Variants in EXOC5 observed in about 807,000 individuals in gnomAD.
EXOC5 encodes SEC10-like 1.
A neutral mutation model predicts 90.8 loss-of-function variants in EXOC5; 17 were observed. The observed-to-expected ratio is 0.19, with a 90% CI of 0.13 to 0.28. The LOEUF (loss-of-function observed/expected upper bound fraction) is 0.28, where lower values mean the gene tolerates loss of function less well. Among genes scored for constraint, EXOC5 ranks in the 10% least tolerant of loss-of-function variants. The probability of loss-of-function intolerance (pLI) is 1.00; values close to 1 mark genes in which losing one functional copy is unlikely to be tolerated. For missense variants in EXOC5, 569 were observed against 830.6 expected (o/e 0.69, Z 3.87); for synonymous variants, 260 against 270.0 (o/e 0.96, Z 0.36).
intron 14 of EXOC5, among the ~76,000 whole-genome samples, chr14:57,218,698 C>T (rs1346710177): frequency 1.3e-5 from 2 of 152,040 alleles, no homozygotes; most frequent in Admixed American, 6.6e-5. Flanking sequence ...ATCTTTGAGA[C>T]TGTTTCTGGA....
At chr14:57,250,525 G>A (rs1338663851) in intron 1 of EXOC5, among the ~76,000 whole-genome samples, 3 of 152,176 alleles carry the variant, frequency 2.0e-5, no homozygotes, top group East Asian at 1.9e-4. Flanking sequence ...TTGGATATAC[G>A]GTGCTAGTTG....
Position 57,237,345 on chromosome 14 carries a change from T to C in EXOC5, c.552A>G (p.Lys184=). Residue 184 remains lysine, a synonymous_variant, in exon 6 of 18, where the codon AAA becomes AAG. Coordinates refer to ENST00000621441, the MANE Select transcript of EXOC5 (RefSeq NM_006544.4). ...PFDRFSEVKS[K]IASKYHDLEC... ...AATAAATACATCACTTACTTGCAAT[T>C]TTGGATTTAACTTCTGAAAATCTGA... The C allele has an allele frequency of 6.6e-7, 1 of 1,507,804 alleles. No individual in the cohort carries two copies. Among genetic ancestry groups the C allele is most frequent in the African/African-American group, 1.4e-5 (1 of 72,262 alleles). 93.4% of individuals were successfully genotyped at this position (1,507,804 alleles called of 1,614,324 possible). A position where few individuals can be genotyped will look rare whatever the true frequency, so the allele number is the denominator to read the frequency against.
intron 6 of EXOC5, among the ~76,000 whole-genome samples, chr14:57,236,143 A>G (rs569474124): frequency 2.8e-4 from 43 of 152,226 alleles, no homozygotes; most frequent in Admixed American, 2.7e-3. Flanking sequence ...ACACACATGA[A>G]AAATCCTACA....
intron 10 of EXOC5, chr14:57,231,956 T>C (rs10483681): frequency 0.28 from 103,274 of 367,824 alleles, 15,874 homozygotes; most frequent in African/African-American, 0.46. Flanking sequence ...GAAAAGAACT[T>C]GTGAGGCAAT....
intron 1 of EXOC5, 155 bp downstream of exon 1, chr14:57,268,467 C>A: frequency 6.7e-7 from 1 of 1,497,990 alleles, no homozygotes; most frequent in Non-Finnish European, 8.9e-7. Context: ...GCTCCGCCCG[C>A]GCTGACACGG....
At position 57,231,604 on chromosome 14, in the gene EXOC5, A is replaced by T; in HGVS notation, c.1050T>A (p.Ile350=). The T allele has an allele frequency of 6.2e-7, 1 of 1,612,972 alleles. No individual in the cohort carries two copies. The highest frequency in any genetic ancestry group is 8.5e-7 in the Non-Finnish European group (1 of 1,179,242). ...SIFISYLENY[I]EVETGYLKSR... Reference sequence around the variant, plus strand: ...TTTTCAAATATCCAGTCTCCACCTCAATATAGTTCTCCAAATAGGAAATGA... The same window carrying T: ...TTTTCAAATATCCAGTCTCCACCTCTATATAGTTCTCCAAATAGGAAATGA... Residue 350 remains isoleucine, a synonymous_variant, in exon 11 of 18, where the codon ATT becomes ATA. Coordinates refer to ENST00000621441, the MANE Select transcript of EXOC5 (RefSeq NM_006544.4).
In EXOC5 at chr14:57,203,491, A is replaced by G. The variant is rs944399500; in HGVS notation, c.*5118T>C. 1 of 152,606 alleles carries G rather than the reference A, an allele frequency of 6.6e-6. No homozygotes were observed. Among genetic ancestry groups the G allele is most frequent in the Non-Finnish European group, 1.5e-5 (1 of 68,030 alleles). 9.5% of individuals were successfully genotyped at this position (152,606 alleles called of 1,614,324 possible). ...TAACATAAAGATAACTGGAAGGGAT[A>G]CGACACTTTCTTCATTTAAGATTCC... On this transcript the variant is annotated 3_prime_UTR_variant, in exon 18 of 18. Transcript: ENST00000621441.
At position 57,201,975 on chromosome 14, in the gene EXOC5, T is replaced by A. The variant is rs1420223626; in HGVS notation, c.*6634A>T. 6.6e-6 allele frequency: 1 copy of A among 152,002 alleles called. No homozygotes were observed. The highest frequency in any genetic ancestry group is 1.9e-4 in the East Asian group (1 of 5,178). The allele number at this position is 152,002 out of a possible 1,614,324, so 9.4% of individuals were successfully genotyped here. A position where few individuals can be genotyped will look rare whatever the true frequency, so the allele number is the denominator to read the frequency against. The stretch of plus-strand genomic sequence containing the variant: ...ATTTACAAAGGGAAAAGTAATAGTT[T>A]TAAAGTGGAGAAGCCTGGTAAATAG... On this transcript the variant is annotated 3_prime_UTR_variant, in exon 18 of 18. Coordinates refer to ENST00000621441, the MANE Select transcript of EXOC5 (RefSeq NM_006544.4).
chr14:57,243,495 C>G (rs1883936705), intron 4 of EXOC5: 1 of 152,108 alleles, frequency 6.6e-6, no homozygotes, highest in Non-Finnish European at 1.5e-5. Flanking sequence ...TATGTACATA[C>G]AAGATCCATA....
chr14:57,215,404 T>C (rs1007982037), intron 15 of EXOC5, among the ~76,000 whole-genome samples: 2 of 129,076 alleles, frequency 1.5e-5, no homozygotes, highest in African/African-American at 4.4e-5. Flanking sequence ...CCCTGATGAA[T>C]AAAGATGTAA....
chr14:57,211,209 A>G (rs1263958001), intron 15 of EXOC5, among the ~76,000 whole-genome samples: 1 of 152,196 alleles, frequency 6.6e-6, no homozygotes, highest in Non-Finnish European at 1.5e-5. Context: ...AGTGTTAGCA[A>G]CGTCACCTTG....
chr14:57,253,568 A>T (rs1192426023), intron 1 of EXOC5, among the ~76,000 whole-genome samples: 7 of 152,220 alleles, frequency 4.6e-5, no homozygotes, highest in Non-Finnish European at 1.0e-4. Context: ...CTTGAAAAAG[A>T]ACAGAGCAGC....
intron 15 of EXOC5, among the ~76,000 whole-genome samples, chr14:57,211,522 G>C (rs1882824560): frequency 6.6e-6 from 1 of 152,150 alleles, no homozygotes; most frequent in Non-Finnish European, 1.5e-5. Context: ...TGTGTTCCAA[G>C]CACTGGCAAC....
In EXOC5 at chr14:57,209,985, C is replaced by G. The variant is rs766712770; in HGVS notation, c.1690G>C (p.Asp564His). ...TATTGAATCAAAACATTGTTTTCAT[C>G]TTCTGGCTTAAAATCTGTTTTCTTC... is the stretch of plus-strand genomic sequence containing the variant. ...EQKKTDFKPE[D>H]ENNVLIQYTN... is the part of the protein sequence containing the mutation. The change falls in exon 16 of 18, where the codon GAT (aspartate) becomes CAT (histidine). Residue 564 changes from aspartate to histidine, a missense_variant. Physicochemically the swap from Asp to His is moderately conservative, Grantham distance 81 (BLOSUM62 -1). Coordinates refer to ENST00000621441, the MANE Select transcript of EXOC5 (RefSeq NM_006544.4). The G allele has an allele frequency of 4.4e-6, 7 of 1,584,266 alleles. No individual in the cohort carries two copies. Among genetic ancestry groups the G allele is most frequent in the Non-Finnish European group, 5.2e-6 (6 of 1,157,330 alleles).
At chr14:57,252,674 A>ACACT (rs1020674756) in intron 1 of EXOC5, among the ~76,000 whole-genome samples, 5 of 152,300 alleles carry the variant, frequency 3.3e-5, no homozygotes, top group Admixed American at 3.3e-4. Flanking sequence ...GAACCCTTGC[A>ACACT]CACTGTTGGT....
intron 1 of EXOC5, among the ~76,000 whole-genome samples, chr14:57,267,418 T>C (rs781711606): frequency 5.3e-5 from 8 of 152,154 alleles, no homozygotes; most frequent in Non-Finnish European, 8.8e-5. Flanking sequence ...CAATAACAAA[T>C]GTAAATTTCC....
At chr14:57,219,250 A>C in intron 14 of EXOC5, 72 bp downstream of exon 14, 1 of 828,052 alleles carries the variant, frequency 1.2e-6, no homozygotes. Flanking sequence ...ATTTAATGAA[A>C]ATATATATAG....
At chr14:57,254,041 T>G (rs1269536840) in intron 1 of EXOC5, among the ~76,000 whole-genome samples, 3 of 152,156 alleles carry the variant, frequency 2.0e-5, no homozygotes, top group Admixed American at 6.5e-5. Flanking sequence ...ATAGAACTCC[T>G]AAAATTTAAT....
chr14:57,212,065 T>C (rs1882844389), intron 15 of EXOC5, among the ~76,000 whole-genome samples: 1 of 152,182 alleles, frequency 6.6e-6, no homozygotes. Flanking sequence ...GGTCTCACTA[T>C]GTTGCCTCAG....
Sources: gnomAD v4.1 joint callset for allele counts (sites outside exome capture counted in the v4.1 genomes callset) on GRCh38, gnomAD v4.1.1 for gene constraint, MANE v1.5 for transcripts, NCBI Gene and HGNC (gene_info 2026-07-23, HGNC 2026-07-21) for gene names.